The following ARHGEF10 variants were observed in gnomAD, a reference collection of about 807,000 sequenced individuals.
ARHGEF10 encodes the protein Rho guanine nucleotide exchange factor (GEF) 10.
ARHGEF10 carries 140 observed loss-of-function variants against 147.4 expected under a neutral mutation model. That is an observed-to-expected ratio of 0.95 (90% confidence interval 0.83 to 1.09). The LOEUF (loss-of-function observed/expected upper bound fraction) is 1.09. Among genes scored for constraint, ARHGEF10 ranks in the 50% least tolerant of loss-of-function variants. ARHGEF10 has a pLI of 0.00. For missense variants in ARHGEF10, 2,222 were observed against 1,752.7 expected (o/e 1.27, Z -4.78); for synonymous variants, 902 against 695.8 (o/e 1.30, Z -4.67).
At chr8:1,831,499 CGGCCGTGG>C (rs1803103762) in intron 1 of ARHGEF10, among the ~76,000 whole-genome samples, 1 of 141,092 alleles carries the variant, frequency 7.1e-6, no homozygotes, top group Non-Finnish European at 1.5e-5. Context: ...GACAGTGTGA[CGGCCGTGG>C]AGGGACAGTG....
Position 1,945,665 on chromosome 8 carries a change from CGGGACGGGGCCCA to C in ARHGEF10, c.3397+15_3397+27del. 1 of 1,613,910 alleles carries C rather than the reference CGGGACGGGGCCCA, an allele frequency of 6.2e-7. No individual in the cohort carries two copies. On this transcript the variant is annotated intron_variant, in intron 27 of 28. Coordinates refer to ENST00000349830, the MANE Select transcript of ARHGEF10 (RefSeq NM_014629.4). ...CACAACATGCTGCCAGGTAAGGGGA[CGGGACGGGGCCCA>C]GGGATGGGACAGCAACCGGGGACGG...
At chr8:1,838,219 C>G (rs1271059156) in intron 1 of ARHGEF10, among the ~76,000 whole-genome samples, 1 of 152,230 alleles carries the variant, frequency 6.6e-6, no homozygotes, top group Non-Finnish European at 1.5e-5. Flanking sequence ...GATCCTGATG[C>G]GTGAGGTGGC....
intron 11 of ARHGEF10, among the ~76,000 whole-genome samples, chr8:1,887,340 A>G (rs1016985948): frequency 2.6e-5 from 4 of 152,268 alleles, no homozygotes; most frequent in African/African-American, 9.6e-5. Flanking sequence ...CACATGGCCC[A>G]AGCCAAGACA....
intron 12 of ARHGEF10, 55 bp downstream of exon 12, chr8:1,893,701 A>G (rs975356669): frequency 2.7e-5 from 37 of 1,347,952 alleles, no homozygotes; most frequent in Non-Finnish European, 3.9e-5. Flanking sequence ...TTTTTTACCT[A>G]TATACATTTT....
intron 18 of ARHGEF10, among the ~76,000 whole-genome samples, chr8:1,918,445 G>A (rs552003542): frequency 4.8e-4 from 70 of 145,298 alleles, no homozygotes; most frequent in Non-Finnish European, 6.4e-4. Context: ...CCCATGATAG[G>A]TTCACATTTG....
At chr8:1,904,560 A>T (rs544101498) in intron 16 of ARHGEF10, among the ~76,000 whole-genome samples, 1 of 152,188 alleles carries the variant, frequency 6.6e-6, no homozygotes, top group East Asian at 1.9e-4. Flanking sequence ...GACATGGTTC[A>T]TGTTATTTAA....
In ARHGEF10 at chr8:1,888,746, A is replaced by C. The variant is rs1416371776; in HGVS notation, c.1182+3039A>C. Among the ~76,000 whole-genome samples, 2 of 68,314 alleles carry C rather than the reference A, an allele frequency of 2.9e-5. 1 individual carries two copies. The highest frequency in any genetic ancestry group is 5.5e-5 in the Non-Finnish European group (2 of 36,286). 44.8% of individuals were successfully genotyped at this position (68,314 alleles called of 152,430 possible). On this transcript the variant is annotated intron_variant, in intron 11 of 28. Coordinates refer to ENST00000349830, the MANE Select transcript of ARHGEF10 (RefSeq NM_014629.4). ...AATAGGGTGAGGTTTGTGAGGAGAC[A>C]CTGAATAGGGTGAGGTTTGTGAGGA...
At chr8:1,928,747 C>T (rs186635263) in intron 24 of ARHGEF10, 97 bp downstream of exon 24, 3 of 1,361,984 alleles carry the variant, frequency 2.2e-6, no homozygotes, top group South Asian at 2.4e-5. Flanking sequence ...GACTTTGACT[C>T]AGGAGTAGCC....
chr8:1,876,272 C>T (rs371920182), intron 7 of ARHGEF10: 1 of 460,310 alleles, frequency 2.2e-6, no homozygotes. Flanking sequence ...TGACAAGTTA[C>T]CTGGCATGAC....
chr8:1,894,683 C>A, intron 13 of ARHGEF10, 111 bp downstream of exon 13: 2 of 1,258,382 alleles, frequency 1.6e-6, no homozygotes, highest in Non-Finnish European at 2.3e-6. Context: ...GACAAGTGTG[C>A]AGTTCTCTCT....
chr8:1,902,958 C>T (rs552320122), intron 15 of ARHGEF10, among the ~76,000 whole-genome samples: 4 of 152,338 alleles, frequency 2.6e-5, no homozygotes, highest in Admixed American at 2.6e-4. Context: ...TCTGACTCAA[C>T]TTGAGAAGGA....
At chr8:1,945,425 G>C (rs1239408813) in intron 26 of ARHGEF10, 56 bp from the exon 27 acceptor site, 1 of 1,549,948 alleles carries the variant, frequency 6.5e-7, no homozygotes, top group African/African-American at 1.4e-5. Context: ...GGACCCAACA[G>C]GCCCCACTCA....
At chr8:1,940,251 C>G (rs1274932539) in intron 26 of ARHGEF10, among the ~76,000 whole-genome samples, 1 of 152,176 alleles carries the variant, frequency 6.6e-6, no homozygotes, top group East Asian at 1.9e-4. Flanking sequence ...AGTCGCCTTC[C>G]TCTGCCCCAA....
At chr8:1,862,933 C>T (rs963285891) in intron 4 of ARHGEF10, among the ~76,000 whole-genome samples, 4 of 151,824 alleles carry the variant, frequency 2.6e-5, no homozygotes, top group Non-Finnish European at 5.9e-5. Flanking sequence ...CGCCCGCCAC[C>T]ACGCCCGGCT....
chr8:1,905,462 C>A, intron 16 of ARHGEF10, 109 bp from the exon 17 acceptor site: 1 of 1,345,408 alleles, frequency 7.4e-7, no homozygotes, highest in Non-Finnish European at 1.1e-6. Context: ...TTCCGTAAAG[C>A]GCTCAGTTTG....
chr8:1,851,965 A>G (rs573928697), intron 2 of ARHGEF10, among the ~76,000 whole-genome samples: 4 of 152,048 alleles, frequency 2.6e-5, no homozygotes, highest in Middle Eastern at 3.4e-3. Flanking sequence ...GCTGCAGACC[A>G]TATGAAGACA....
Position 1,937,676 on chromosome 8 carries a change from C to G in ARHGEF10, c.3222+3734C>G, listed in dbSNP as rs1044424022. Among the ~76,000 whole-genome samples, 2 of 152,196 alleles carry G rather than the reference C, an allele frequency of 1.3e-5. No homozygotes were observed. Among genetic ancestry groups the G allele is most frequent in the African/African-American group, 4.8e-5 (2 of 41,458 alleles). ...AACTGTGGCCAGGGGCTGGGGCAGC[C>G]CACAGGACCTGAGCCCACAAGATTC... is the stretch of plus-strand genomic sequence containing the variant. On this transcript the variant is annotated intron_variant, in intron 26 of 28. Transcript: ENST00000349830. This position sits in a 1 kb window ranked among gnomAD's most constrained non-coding sequence, Gnocchi z 4.9.
At chr8:1,901,288 A>G (rs986611602) in intron 15 of ARHGEF10, among the ~76,000 whole-genome samples, 1 of 151,558 alleles carries the variant, frequency 6.6e-6, no homozygotes, top group Non-Finnish European at 1.5e-5. Flanking sequence ...AGGCCTGGAC[A>G]CCCTCTGTCC....
intron 2 of ARHGEF10, among the ~76,000 whole-genome samples, chr8:1,847,835 G>C (rs529532350): frequency 2.6e-5 from 4 of 152,294 alleles, no homozygotes; most frequent in Admixed American, 1.3e-4. Context: ...CTTCATATGA[G>C]AATCAAACAT....
Sources: gnomAD v4.1 joint callset for allele counts (sites outside exome capture counted in the v4.1 genomes callset) on GRCh38, gnomAD v4.1.1 for gene constraint, Gnocchi (gnomAD v3.1) non-coding constraint, MANE v1.5 for transcripts, NCBI Gene and HGNC (gene_info 2026-07-23, HGNC 2026-07-21) for gene names.